The following FBLN2 variants were observed in gnomAD, a reference collection of about 807,000 sequenced individuals.
The protein encoded by FBLN2 is fibulin 2, also known as fibulin-2.
Under a neutral mutation model 123.7 loss-of-function variants are expected in FBLN2, and 81 were observed. That is an observed-to-expected ratio of 0.65 (90% CI 0.55 to 0.79). FBLN2 has a LOEUF of 0.79. Ranked by LOEUF, FBLN2 falls within the 30% of genes least tolerant of loss-of-function variation. FBLN2 has a pLI of 0.00. For synonymous variants in FBLN2, 699 were observed against 701.4 expected (o/e 1.00, Z 0.05); for missense variants, 1,603 against 1,681.3 (o/e 0.95, Z 0.81).
chr3:13,587,802 T>C (rs1359347931), intron 2 of FBLN2, among the ~76,000 whole-genome samples: 2 of 152,258 alleles, frequency 1.3e-5, no homozygotes, highest in East Asian at 3.8e-4. Context: ...CCCAGGTCTT[T>C]AGACAAACTC....
At chr3:13,629,103 C>T in intron 12 of FBLN2, 55 bp downstream of exon 12, 4 of 1,612,814 alleles carry the variant, frequency 2.5e-6, no homozygotes, top group Admixed American at 1.7e-5. Flanking sequence ...GCTTCCCCAC[C>T]CCTGGGAGGT....
chr3:13,614,643 C>CATCCATCT (rs1705524887), intron 5 of FBLN2, among the ~76,000 whole-genome samples: 1 of 149,554 alleles, frequency 6.7e-6, no homozygotes, highest in African/African-American at 2.5e-5. Flanking sequence ...ATTATCCATC[C>CATCCATCT]ATCCATCCAT....
chr3:13,577,121 G>A (rs1161010282), intron 2 of FBLN2, among the ~76,000 whole-genome samples: 1 of 151,924 alleles, frequency 6.6e-6, no homozygotes, highest in African/African-American at 2.4e-5. Flanking sequence ...TACTCAGGAG[G>A]CTGAGGCAGG....
chr3:13,607,861 C>A (rs1233281968), intron 2 of FBLN2, among the ~76,000 whole-genome samples: 2 of 152,106 alleles, frequency 1.3e-5, no homozygotes, highest in Non-Finnish European at 2.9e-5. Flanking sequence ...CTGGGCTCCT[C>A]CCAGCCCCCA....
chr3:13,609,915 C>T (rs1289507636), intron 4 of FBLN2, among the ~76,000 whole-genome samples: 1 of 152,216 alleles, frequency 6.6e-6, no homozygotes, highest in Non-Finnish European at 1.5e-5. Context: ...ATGGCAATTC[C>T]CGCCCTCCCA....
At chr3:13,566,413 AG>A (rs1559399972) in intron 1 of FBLN2, 2 of 152,294 alleles carry the variant, frequency 1.3e-5, no homozygotes, top group Non-Finnish European at 2.9e-5. Flanking sequence ...CCTGCCCTGG[AG>A]GGAGTGTTCT....
chr3:13,607,920 T>C, intron 2 of FBLN2, 142 bp from the exon 3 acceptor site: 1 of 640,144 alleles, frequency 1.6e-6, no homozygotes, highest in Non-Finnish European at 2.8e-6. Context: ...AGTTGTGTTG[T>C]GAGCTGTTAG....
chr3:13,626,483 CGG>C lies in FBLN2; in HGVS notation c.2338_2339del (p.Gly780ArgfsTer19). ...ECVTDLHTCSRGEHCVNTLGS... is the reference protein window; with the variant it reads ...ECVTDLHTCSXGEHCVNTLGS... ...TGTGACGGACCTGCACACGTGCAGC[CGG>C]GGCGAGCACTGTGTGAACACACTGG... On this transcript the variant is annotated frameshift_variant, in exon 10 of 18. Coordinates refer to ENST00000404922, the MANE Select transcript of FBLN2 (RefSeq NM_001004019.2). LOFTEE classifies it high-confidence loss of function. The C allele has an allele frequency of 2.5e-6, 4 of 1,579,058 alleles. No homozygotes were observed. Among genetic ancestry groups the C allele is most frequent in the Non-Finnish European group, 3.4e-6 (4 of 1,162,358 alleles).
intron 2 of FBLN2, among the ~76,000 whole-genome samples, chr3:13,602,169 C>T (rs977338924): frequency 2.6e-5 from 4 of 152,162 alleles, no homozygotes; most frequent in African/African-American, 9.7e-5. Context: ...AAGTTACTTT[C>T]GTGTATGGTG....
chr3:13,551,345 C>T (rs1488852699), intron 1 of FBLN2, among the ~76,000 whole-genome samples: 1 of 152,094 alleles, frequency 6.6e-6, no homozygotes, highest in Non-Finnish European at 1.5e-5. Context: ...CTGTGGGGGA[C>T]GGTGGTATGG....
At position 13,571,356 on chromosome 3, in the gene FBLN2, C is replaced by CAAGGGCAAGGGG; in HGVS notation, c.1005_1006insGCAAGGGGAAGG (p.Arg335_Pro336insAlaArgGlyArg). 1 of 1,611,902 alleles carries CAAGGGCAAGGGG rather than the reference C, an allele frequency of 6.2e-7. No individual in the cohort carries two copies. The highest frequency in any genetic ancestry group is 8.5e-7 in the Non-Finnish European group (1 of 1,179,238). ...GCTGGGGCAAGGGCAGAAGCTGGGG[C>CAAGGGCAAGGGG]AAGGCCTGAAGAGAACCTCATCCTG... is the stretch of plus-strand genomic sequence containing the variant. On this transcript the variant is annotated inframe_insertion, in exon 2 of 18. Transcript: ENST00000404922.
At chr3:13,582,850 G>A (rs1217512246) in intron 2 of FBLN2, among the ~76,000 whole-genome samples, 1 of 152,230 alleles carries the variant, frequency 6.6e-6, no homozygotes, top group Non-Finnish European at 1.5e-5. Context: ...ATGAGAAGAG[G>A]GCTTTGTGTT....
At chr3:13,629,737 C>T (rs1428473935) in intron 13 of FBLN2, 83 bp from the exon 14 acceptor site, 8 of 1,495,338 alleles carry the variant, frequency 5.3e-6, no homozygotes, top group Non-Finnish European at 7.1e-6. Context: ...TTAGCCTCCC[C>T]TTCGGCCCTG....
At chr3:13,604,593 G>A (rs56089706) in intron 2 of FBLN2, among the ~76,000 whole-genome samples, 1 of 152,180 alleles carries the variant, frequency 6.6e-6, no homozygotes, top group Non-Finnish European at 1.5e-5. Context: ...TTGTTTTACT[G>A]CATTTGCTAG....
At chr3:13,581,266 C>G (rs1319974573) in intron 2 of FBLN2, among the ~76,000 whole-genome samples, 19 of 151,890 alleles carry the variant, frequency 1.3e-4, no homozygotes, top group Non-Finnish European at 2.9e-5. Flanking sequence ...CACTGGGGTC[C>G]AGGATGGGGA....
At chr3:13,625,453 C>A (rs192508229) in intron 9 of FBLN2, among the ~76,000 whole-genome samples, 1 of 152,144 alleles carries the variant, frequency 6.6e-6, no homozygotes, top group Admixed American at 6.5e-5. Flanking sequence ...AGTTAGTATT[C>A]CCACTCAGAC....
At chr3:13,615,319 A>G (rs1319285685) in intron 5 of FBLN2, among the ~76,000 whole-genome samples, 1 of 152,136 alleles carries the variant, frequency 6.6e-6, no homozygotes, top group African/African-American at 2.4e-5. Flanking sequence ...CTGGTTGGGG[A>G]CCAGATGTCC....
At chr3:13,622,597 T>C (rs762992217) in intron 9 of FBLN2, among the ~76,000 whole-genome samples, 4 of 152,210 alleles carry the variant, frequency 2.6e-5, no homozygotes, top group Non-Finnish European at 4.4e-5. Context: ...GCCAGAGGAC[T>C]GGGTGAGGGC....
chr3:13,549,251 G>A, intron 1 of FBLN2, 43 bp downstream of exon 1: 1 of 978,976 alleles, frequency 1.0e-6, no homozygotes, highest in South Asian at 4.7e-5. Context: ...ATCCCCGTCG[G>A]TCCGCGCCTC....
Sources: gnomAD v4.1 joint callset for allele counts (sites outside exome capture counted in the v4.1 genomes callset) on GRCh38, gnomAD v4.1.1 for gene constraint, MANE v1.5 for transcripts, NCBI Gene and HGNC (gene_info 2026-07-23, HGNC 2026-07-21) for gene names.